Variants in TCF4 observed in about 807,000 individuals in gnomAD.
TCF4 encodes transcription factor 4.
A neutral mutation model predicts 82.1 loss-of-function variants in TCF4; 3 were observed. The observed-to-expected ratio is 0.04, with a 90% CI of 0.02 to 0.09. The LOEUF (loss-of-function observed/expected upper bound fraction) is 0.09. Among genes scored for constraint, TCF4 ranks in the 10% least tolerant of loss-of-function variants. The pLI is 1.00. For missense variants in TCF4, 518 were observed against 852.7 expected (o/e 0.61, Z 4.89); for synonymous variants, 276 against 309.6 (o/e 0.89, Z 1.14).
At chr18:55,451,013 C>T (rs996813471) in intron 5 of TCF4, among the ~76,000 whole-genome samples, 1 of 152,150 alleles carries the variant, frequency 6.6e-6, no homozygotes, top group Non-Finnish European at 1.5e-5. Flanking sequence ...ACACAGCTGT[C>T]CCCAAAGAGG....
At chr18:55,279,472 T>A in intron 9 of TCF4, 79 bp downstream of exon 9, 1 of 1,602,560 alleles carries the variant, frequency 6.2e-7, no homozygotes. Flanking sequence ...ATTCCATTTC[T>A]TCTGCCCCAT....
At chr18:55,427,571 A>G (rs781632278) in intron 5 of TCF4, among the ~76,000 whole-genome samples, 16 of 152,152 alleles carry the variant, frequency 1.1e-4, no homozygotes, top group Non-Finnish European at 2.1e-4. Context: ...AAATATCTTG[A>G]TGCCTCCATC....
intron 6 of TCF4, chr18:55,401,658 C>G: frequency 1.0e-6 from 1 of 989,364 alleles, no homozygotes; most frequent in Non-Finnish European, 1.2e-6. Context: ...AAAGGAGGGT[C>G]TGTGTTCTGC....
chr18:55,257,759 T>C, intron 13 of TCF4, among the ~76,000 whole-genome samples: 1 of 152,184 alleles, frequency 6.6e-6, no homozygotes, highest in East Asian at 1.9e-4. Flanking sequence ...GGCTAGTTTA[T>C]GTTAAACCAA....
chr18:55,254,329 G>A (rs920401071), intron 15 of TCF4, among the ~76,000 whole-genome samples, 168 bp downstream of exon 15: 1 of 152,114 alleles, frequency 6.6e-6, no homozygotes, highest in Admixed American at 6.6e-5. Context: ...GCACAACCTT[G>A]TAAATACACT....
intron 5 of TCF4, among the ~76,000 whole-genome samples, chr18:55,412,532 T>C (rs999605706): frequency 6.6e-6 from 1 of 152,094 alleles, no homozygotes; most frequent in Non-Finnish European, 1.5e-5. Context: ...ACCTTTAGAA[T>C]CCAGGATCCA....
intron 2 of TCF4, among the ~76,000 whole-genome samples, chr18:55,619,750 C>G (rs1240692993): frequency 6.6e-6 from 1 of 151,770 alleles, no homozygotes; most frequent in African/African-American, 2.4e-5. Context: ...TTTGACATAC[C>G]CAGTCATGTT....
At chr18:55,436,560 C>T (rs534146503) in intron 5 of TCF4, among the ~76,000 whole-genome samples, 1 of 152,236 alleles carries the variant, frequency 6.6e-6, no homozygotes, top group South Asian at 2.1e-4. Context: ...ATACAGAATT[C>T]AACAGAAGCA....
chr18:55,517,205 C>CT (rs2096891246), intron 3 of TCF4, among the ~76,000 whole-genome samples: 1 of 152,190 alleles, frequency 6.6e-6, no homozygotes, highest in Non-Finnish European at 1.5e-5. Context: ...AATGGAGTAT[C>CT]TGCAAGCATG....
At chr18:55,506,550 C>T (rs1323583413) in intron 3 of TCF4, among the ~76,000 whole-genome samples, 2 of 152,070 alleles carry the variant, frequency 1.3e-5, no homozygotes, top group African/African-American at 2.4e-5. Context: ...AAAATGTCCA[C>T]ATGCAACACA....
intron 3 of TCF4, among the ~76,000 whole-genome samples, chr18:55,534,848 T>G (rs1290724958): frequency 6.6e-6 from 1 of 152,222 alleles, no homozygotes. Context: ...ACGATGTAAC[T>G]TCATATTCCA....
Position 55,525,965 on chromosome 18 carries a change from C to A in TCF4, c.145+59315G>T, listed in dbSNP as rs534025950. Reference sequence around the variant, plus strand: ...TTTCTTGAAGATACAATAAAATTACCATCAACACCCTTGAGCTGCCAGTCT... The same window carrying A: ...TTTCTTGAAGATACAATAAAATTACAATCAACACCCTTGAGCTGCCAGTCT... On this transcript the variant is annotated intron_variant, in intron 3 of 19. Coordinates refer to ENST00000354452, the MANE Select transcript of TCF4 (RefSeq NM_001083962.2). 4.6e-4 allele frequency among the ~76,000 whole-genome samples: 70 copies of A among 152,230 alleles called. No homozygotes were observed. The South Asian group carries it at 6.0e-3, about 13-fold the overall frequency.
chr18:55,437,759 AC>A (rs1457965959), intron 5 of TCF4, among the ~76,000 whole-genome samples: 1 of 152,210 alleles, frequency 6.6e-6, no homozygotes, highest in Non-Finnish European at 1.5e-5. Flanking sequence ...ACTCAGATGC[AC>A]AGCAAGGTTG....
chr18:55,528,892 C>T (rs1269081337), intron 3 of TCF4, among the ~76,000 whole-genome samples: 9 of 152,106 alleles, frequency 5.9e-5, no homozygotes, highest in Non-Finnish European at 1.3e-4. Context: ...CAACAAAAGA[C>T]CTTGGCTGGA....
chr18:55,314,414 C>T (rs2073495137), intron 8 of TCF4, among the ~76,000 whole-genome samples: 1 of 152,022 alleles, frequency 6.6e-6, no homozygotes, highest in South Asian at 2.1e-4. Flanking sequence ...TAATGGGGTG[C>T]AGAATTTATC....
intron 8 of TCF4, chr18:55,332,225 G>A (rs1255006259): frequency 1.3e-5 from 2 of 151,938 alleles, no homozygotes; most frequent in Non-Finnish European, 2.9e-5. Context: ...ACAAAGGGAA[G>A]AAACAGGTGC....
chr18:55,353,869 A>C (rs1411311071), intron 6 of TCF4, among the ~76,000 whole-genome samples: 1 of 152,338 alleles, frequency 6.6e-6, no homozygotes, highest in South Asian at 2.1e-4. Context: ...CTGCTTAATA[A>C]AAGTTAAGCT....
chr18:55,625,390 C>T (rs1000668137), intron 2 of TCF4, among the ~76,000 whole-genome samples: 3 of 152,068 alleles, frequency 2.0e-5, no homozygotes, highest in African/African-American at 4.8e-5. Context: ...AGGCGCACAC[C>T]ACCATGCCCA....
chr18:55,312,944 T>C (rs550089780), intron 8 of TCF4, among the ~76,000 whole-genome samples: 11 of 152,254 alleles, frequency 7.2e-5, no homozygotes, highest in Non-Finnish European at 1.3e-4. Flanking sequence ...ACAGCTGTCA[T>C]GAGTTGAAAA....
Sources: allele counts gnomAD v4.1 joint callset (sites outside exome capture counted in the v4.1 genomes callset), GRCh38; gene constraint gnomAD v4.1.1; transcripts MANE v1.5; gene names NCBI Gene and HGNC (gene_info 2026-07-23, HGNC 2026-07-21).